The following PKNOX1 variants were observed in gnomAD, a reference collection of about 807,000 sequenced individuals.
The protein encoded by PKNOX1 is homeobox protein PKNOX1.
Under a neutral mutation model 51.9 loss-of-function variants are expected in PKNOX1, and 15 were observed. The ratio of observed to expected loss-of-function variants is 0.29; its 90% confidence interval spans 0.19 to 0.45. The LOEUF (loss-of-function observed/expected upper bound fraction) is 0.45, where lower values mean the gene tolerates loss of function less well. PKNOX1 is among the 20% of genes least tolerant of loss of function. The pLI is 1.00. For synonymous variants in PKNOX1, 219 were observed against 211.1 expected, an observed-to-expected ratio of 1.04 and a Z score of -0.32; for missense variants, 462 against 547.5, an observed-to-expected ratio of 0.84 and a Z score of 1.56.
chr21:43,015,075 G>A (rs1412806090), intron 5 of PKNOX1, among the ~76,000 whole-genome samples: 1 of 152,340 alleles, frequency 6.6e-6, no homozygotes, highest in Non-Finnish European at 1.5e-5. Context: ...CATAAGTTGT[G>A]TACATGCGTT....
chr21:43,004,577 C>A, intron 2 of PKNOX1, 145 bp downstream of exon 2: 5 of 499,238 alleles, frequency 1.0e-5, no homozygotes, highest in Admixed American at 3.8e-5. Flanking sequence ...CATTCGTGTT[C>A]AGAAAAAAAG....
chr21:43,028,485 T>C, intron 9 of PKNOX1: 1 of 572,666 alleles, frequency 1.7e-6, no homozygotes, highest in South Asian at 2.2e-5. Flanking sequence ...TGGTGCTTAT[T>C]TGCATGATTT....
In PKNOX1 at chr21:43,016,942, C is replaced by G. The variant is rs1601296483; in HGVS notation, c.557C>G (p.Pro186Arg). The change falls in exon 6 of 11, where the codon CCT becomes CGT. Residue 186 changes from proline (P) to arginine (R), a missense_variant. This residue lies in a region of PKNOX1 where 126 missense variants were observed against 128.1 expected (regional missense o/e 0.98). Coordinates refer to ENST00000291547, the MANE Select transcript of PKNOX1 (RefSeq NM_004571.5). Reference protein sequence around the residue: ...IQSAITGTISPQGIVVPASAL... With the variant: ...IQSAITGTISRQGIVVPASAL... Reference sequence around the variant, plus strand: ...AGTGCCATCACAGGCACCATCAGCCCTCAGGGAATTGTGGTGCCGGCGTCC... The same window carrying G: ...AGTGCCATCACAGGCACCATCAGCCGTCAGGGAATTGTGGTGCCGGCGTCC... 6.2e-7 allele frequency: 1 copy of G among 1,612,568 alleles called. No individual in the cohort carries two copies. The highest frequency in any genetic ancestry group is 1.7e-5 in the Admixed American group (1 of 59,994).
At chr21:42,980,655 TAC>T (rs1298618691) in intron 1 of PKNOX1, among the ~76,000 whole-genome samples, 4 of 152,326 alleles carry the variant, frequency 2.6e-5, no homozygotes, top group African/African-American at 7.2e-5. Context: ...TATTTTGAAA[TAC>T]AGTTATTAAA....
At chr21:43,002,936 C>G (rs796238980) in intron 1 of PKNOX1, among the ~76,000 whole-genome samples, 16 of 152,256 alleles carry the variant, frequency 1.1e-4, no homozygotes, top group African/African-American at 3.9e-4. Flanking sequence ...AGGCTGGTCC[C>G]AAACTCCTGA....
intron 1 of PKNOX1, among the ~76,000 whole-genome samples, chr21:42,995,911 T>C (rs1264817525): frequency 5.3e-5 from 8 of 152,178 alleles, no homozygotes; most frequent in African/African-American, 1.9e-4. Flanking sequence ...TTTATGTATT[T>C]ATATTTTTAA....
chr21:43,024,886 G>C lies in PKNOX1; in HGVS notation c.865G>C (p.Glu289Gln). 1 of 1,610,038 alleles carries C rather than the reference G, an allele frequency of 6.2e-7. No individual in the cohort carries two copies. Among genetic ancestry groups the C allele is most frequent in the African/African-American group, 1.3e-5 (1 of 74,934 alleles). Residue 289 changes from glutamate (E) to glutamine (Q), a missense_variant, in exon 9 of 11, where the codon GAG becomes CAG. Coordinates refer to ENST00000291547, the MANE Select transcript of PKNOX1 (RefSeq NM_004571.5). ...FQHIGHPYPT[E>Q]DEKKQIAAQT... is the part of the protein sequence containing the mutation. ...TTATTTTCAGCATCCCTACCCAACA[G>C]AGGATGAGAAAAAACAGATTGCTGC...
rs370866616 is a variant in PKNOX1, at chr21:43,004,350, T to C, written c.-32T>C. 1.1e-5 allele frequency: 17 copies of C among 1,484,780 alleles called. No individual in the cohort carries two copies. Among genetic ancestry groups the C allele is most frequent in the African/African-American group, 2.8e-5 (2 of 72,606 alleles). 92.0% of individuals were successfully genotyped at this position (1,484,780 alleles called of 1,614,324 possible). On this transcript the variant is annotated 5_prime_UTR_variant, in exon 2 of 11. It removes an upstream start codon present in the reference 5' UTR. Transcript: ENST00000291547. ...GACACCATTCGCTTTTCACCCAAGA[T>C]GATTTGATGTCTTATAAAACTCTGA...
chr21:42,994,703 C>T (rs1014784388), intron 1 of PKNOX1, among the ~76,000 whole-genome samples: 4 of 152,020 alleles, frequency 2.6e-5, no homozygotes, highest in Non-Finnish European at 5.9e-5. Context: ...TACAACTAAA[C>T]ATTGAGCACG....
In PKNOX1 at chr21:43,022,478, G is replaced by T. The variant is rs572996316; in HGVS notation, c.849+1047G>T. Among the ~76,000 whole-genome samples the T allele has an allele frequency of 2.3e-4, 35 of 152,314 alleles. No individual in the cohort carries two copies. In the East Asian group the frequency reaches 3.1e-3, roughly 13 times the overall value. On this transcript the variant is annotated intron_variant, in intron 8 of 10. Coordinates refer to ENST00000291547, the MANE Select transcript of PKNOX1 (RefSeq NM_004571.5). Reference sequence around the variant, plus strand: ...AAACTGGTGGGTAGTGTTGCTGAGTGGTCCTGGGAGGAGAAGGGCCCTCTC... The same window carrying T: ...AAACTGGTGGGTAGTGTTGCTGAGTTGTCCTGGGAGGAGAAGGGCCCTCTC...
chr21:43,004,472 A>G, intron 2 of PKNOX1, 40 bp downstream of exon 2: 2 of 1,369,594 alleles, frequency 1.5e-6, no homozygotes. Context: ...TTACAAATCA[A>G]CCTGGCACTC....
chr21:43,015,534 T>G, intron 5 of PKNOX1, among the ~76,000 whole-genome samples: 1 of 152,220 alleles, frequency 6.6e-6, no homozygotes. Context: ...GATATTGGTG[T>G]ATAGTTTTGT....
intron 8 of PKNOX1, among the ~76,000 whole-genome samples, chr21:43,022,934 A>G (rs570502944): frequency 1.2e-4 from 18 of 152,210 alleles, no homozygotes; most frequent in Admixed American, 5.2e-4. Flanking sequence ...ACATAATGAT[A>G]GAACAACACC....
intron 1 of PKNOX1, among the ~76,000 whole-genome samples, chr21:42,985,818 G>A (rs2059049399): frequency 6.8e-6 from 1 of 147,740 alleles, no homozygotes; most frequent in Non-Finnish European, 1.5e-5. Context: ...GGTCAACATG[G>A]CAAAACCCAG....
chr21:42,978,377 G>T (rs2059008360), intron 1 of PKNOX1, among the ~76,000 whole-genome samples: 3 of 151,642 alleles, frequency 2.0e-5, no homozygotes, highest in Admixed American at 2.0e-4. Flanking sequence ...TCTGAGAGGT[G>T]ATTTAAAATT....
Position 43,029,458 on chromosome 21 carries a change from C to T in PKNOX1, c.1100-432C>T, listed in dbSNP as rs139554511. ...TTTTTTTTTTTTTGAGACAGAGTCT[C>T]ACTCTGTTGCCCAGGCTGGAGTGCA... On this transcript the variant is annotated intron_variant, in intron 10 of 10. Transcript: ENST00000291547. Among the ~76,000 whole-genome samples the T allele has an allele frequency of 7.5e-3, 771 of 102,478 alleles. 6 individuals are homozygous for T. The highest frequency in any genetic ancestry group is 0.071 in the Middle Eastern group (8 of 112). 67.2% of individuals were successfully genotyped at this position (102,478 alleles called of 152,430 possible).
chr21:43,029,355 G>A (rs533405170), intron 10 of PKNOX1, among the ~76,000 whole-genome samples: 3 of 151,086 alleles, frequency 2.0e-5, no homozygotes, highest in Admixed American at 6.6e-5. Flanking sequence ...CTTTCTGTTC[G>A]CATGAGGTCT....
chr21:43,023,596 C>G (rs1248623496), intron 8 of PKNOX1, among the ~76,000 whole-genome samples: 1 of 151,592 alleles, frequency 6.6e-6, no homozygotes, highest in Non-Finnish European at 1.5e-5. Context: ...TCGGTTGGTA[C>G]TTCTGTGAGT....
intron 10 of PKNOX1, 119 bp from the exon 11 acceptor site, chr21:43,029,771 C>T: frequency 1.2e-6 from 1 of 855,922 alleles, no homozygotes; most frequent in Non-Finnish European, 1.9e-6. Flanking sequence ...ATTCCCTAAA[C>T]ATATATAGGT....
Sources: gnomAD v4.1 joint callset for allele counts (sites outside exome capture counted in the v4.1 genomes callset) on GRCh38, gnomAD v4.1.1 for gene constraint, gnomAD v4.1.1 regional missense constraint, MANE v1.5 for transcripts, NCBI Gene and HGNC (gene_info 2026-07-23, HGNC 2026-07-21) for gene names.